Variants in WWOX observed in about 807,000 individuals in gnomAD.
WWOX encodes the protein WW domain-containing oxidoreductase.
In WWOX, 69 loss-of-function variants were observed where a neutral mutation model predicts 46.2. That is an observed-to-expected ratio of 1.49 (90% confidence interval 1.23 to 1.82). The LOEUF is 1.82. WWOX is among the 40% of genes most tolerant of loss of function. The probability of loss-of-function intolerance (pLI) is 0.00; values close to 1 mark genes in which losing one functional copy is unlikely to be tolerated. For missense variants in WWOX, 919 were observed against 542.6 expected, an observed-to-expected ratio of 1.69 and a Z score of -6.89; for synonymous variants, 359 against 202.6, an observed-to-expected ratio of 1.77 and a Z score of -6.56.
In WWOX at chr16:78,195,896, C is replaced by T. The variant is rs945540788; in HGVS notation, c.516+31607C>T. 4.6e-5 allele frequency among the ~76,000 whole-genome samples: 7 copies of T among 151,558 alleles called. No individual in the cohort carries two copies. The East Asian group carries it at 5.8e-4, about 13-fold the overall frequency. On this transcript the variant is annotated intron_variant, in intron 5 of 8. Transcript: ENST00000566780. ...GAGACAAATGAAAAAGATTGAATTC[C>T]GTTCCAACTGGGCTTTTGAATTTAT...
intron 5 of WWOX, among the ~76,000 whole-genome samples, chr16:78,345,826 C>T (rs115017575): frequency 8.5e-6 from 1 of 118,064 alleles, no homozygotes; most frequent in Non-Finnish European, 2.0e-5. Flanking sequence ...TTGACACATG[C>T]CTTTTGCTTA....
At chr16:78,859,001 TA>T (rs542176032) in intron 8 of WWOX, among the ~76,000 whole-genome samples, 91 of 44,198 alleles carry the variant, frequency 2.1e-3, no homozygotes, top group East Asian at 5.2e-3. Context: ...TTTTGAAATT[TA>T]AAAAAAAAAA....
At chr16:78,304,019 C>G (rs1039106435) in intron 5 of WWOX, among the ~76,000 whole-genome samples, 2 of 152,178 alleles carry the variant, frequency 1.3e-5, no homozygotes, top group Non-Finnish European at 2.9e-5. Context: ...AGGTTTCAGC[C>G]AAGGAGCTTT....
intron 8 of WWOX, among the ~76,000 whole-genome samples, chr16:78,490,722 A>G (rs936223354): frequency 1.3e-5 from 2 of 151,866 alleles, no homozygotes; most frequent in South Asian, 2.1e-4. Flanking sequence ...AACTGCATTG[A>G]CTCCTGTTTT....
At chr16:78,598,972 G>T (rs2045558102) in intron 8 of WWOX, among the ~76,000 whole-genome samples, 1 of 152,154 alleles carries the variant, frequency 6.6e-6, no homozygotes, top group South Asian at 2.1e-4. Flanking sequence ...ATGCACTTAG[G>T]CAACCAGTAA....
chr16:79,197,334 G>C (rs571698071), intron 8 of WWOX, among the ~76,000 whole-genome samples: 31 of 152,260 alleles, frequency 2.0e-4, no homozygotes, highest in African/African-American at 7.5e-4. Context: ...TGCTAGAACT[G>C]GATCATAGCA....
chr16:78,273,500 G>T (rs2079520845), intron 5 of WWOX, among the ~76,000 whole-genome samples: 1 of 152,138 alleles, frequency 6.6e-6, no homozygotes, highest in Admixed American at 6.5e-5. Context: ...CAAGCCATGG[G>T]GATCCATAGG....
intron 8 of WWOX, among the ~76,000 whole-genome samples, chr16:78,587,478 C>T (rs990483570): frequency 1.1e-4 from 17 of 152,072 alleles, no homozygotes; most frequent in Non-Finnish European, 1.9e-4. Context: ...TGATTCCAAA[C>T]GTGCATGAAT....
chr16:78,964,573 G>C (rs1297080975), intron 8 of WWOX, among the ~76,000 whole-genome samples: 1 of 152,200 alleles, frequency 6.6e-6, no homozygotes, highest in African/African-American at 2.4e-5. Flanking sequence ...AGAGCATCAA[G>C]GTTTGGAAAA....
intron 5 of WWOX, among the ~76,000 whole-genome samples, chr16:78,318,035 C>A (rs572737506): frequency 6.6e-6 from 1 of 152,130 alleles, no homozygotes; most frequent in Non-Finnish European, 1.5e-5. Flanking sequence ...TGCTTCTACC[C>A]TGGAGCACAA....
intron 8 of WWOX, among the ~76,000 whole-genome samples, chr16:78,669,658 T>G (rs2047414996): frequency 2.0e-5 from 3 of 152,224 alleles, no homozygotes; most frequent in Non-Finnish European, 1.5e-5. Flanking sequence ...CGTCACTTGT[T>G]TCTGTTCCAA....
chr16:78,549,056 A>G (rs1339908350), intron 8 of WWOX, among the ~76,000 whole-genome samples: 2 of 152,152 alleles, frequency 1.3e-5, no homozygotes, highest in Non-Finnish European at 1.5e-5. Context: ...ATTTGAACTT[A>G]TTTTTAGAAG....
intron 8 of WWOX, among the ~76,000 whole-genome samples, chr16:78,849,197 C>G (rs1006571432): frequency 6.6e-6 from 1 of 152,184 alleles, no homozygotes; most frequent in Non-Finnish European, 1.5e-5. Flanking sequence ...CAATGTAAGT[C>G]TCTGGGAGCA....
chr16:78,522,315 G>A (rs2043366147), intron 8 of WWOX, among the ~76,000 whole-genome samples: 2 of 151,824 alleles, frequency 1.3e-5, no homozygotes, highest in Non-Finnish European at 1.5e-5. Flanking sequence ...CTTAATTGAA[G>A]GCTTGCGGAA....
intron 8 of WWOX, among the ~76,000 whole-genome samples, chr16:78,856,039 T>A (rs2052558319): frequency 6.6e-6 from 1 of 152,030 alleles, no homozygotes; most frequent in Non-Finnish European, 1.5e-5. Flanking sequence ...GCAAGGCAAA[T>A]AATTAGGGAA....
chr16:79,134,262 T>C lies in WWOX; in HGVS notation c.1057-77346T>C, dbSNP rs149307295. On this transcript the variant is annotated intron_variant, in intron 8 of 8. Transcript: ENST00000566780. ...TGCTGAGGGCAGTACATGTTGCAGG[T>C]AGTCACTATCTGGGACTGGTGGCAC... 7.9e-5 allele frequency among the ~76,000 whole-genome samples: 12 copies of C among 152,294 alleles called. No individual in the cohort carries two copies. In the East Asian group the frequency reaches 2.3e-3, roughly 29 times the overall value.
chr16:78,162,640 G>A (rs184775942), intron 4 of WWOX, among the ~76,000 whole-genome samples: 4 of 152,024 alleles, frequency 2.6e-5, no homozygotes, highest in Admixed American at 6.6e-5. Flanking sequence ...CCGTGTATGC[G>A]TCATTGATTT....
At chr16:79,209,883 T>G (rs2051658117) in intron 8 of WWOX, among the ~76,000 whole-genome samples, 1 of 152,218 alleles carries the variant, frequency 6.6e-6, no homozygotes, top group South Asian at 2.1e-4. Flanking sequence ...GAAAGGAAAT[T>G]TGGATGACAT....
At position 79,008,596 on chromosome 16, in the gene WWOX, C is replaced by G. The variant is rs1045561494; in HGVS notation, c.1057-203012C>G. Among the ~76,000 whole-genome samples the G allele has an allele frequency of 2.6e-5, 4 of 152,164 alleles. No homozygotes were observed. In the South Asian group the frequency reaches 6.2e-4, roughly 24 times the overall value. ...CATTTCACAGATGTTGAAACTGAGA[C>G]TTAGAAGCATTATGCACCATGCCAA... On this transcript the variant is annotated intron_variant, in intron 8 of 8. Coordinates refer to ENST00000566780, the MANE Select transcript of WWOX (RefSeq NM_016373.4).
Sources: gnomAD v4.1 joint callset for allele counts (sites outside exome capture counted in the v4.1 genomes callset) on GRCh38, gnomAD v4.1.1 for gene constraint, MANE v1.5 for transcripts, NCBI Gene and HGNC (gene_info 2026-07-23, HGNC 2026-07-21) for gene names.